The following KLF8 variants were observed in gnomAD, a reference collection of about 807,000 sequenced individuals.
KLF8 encodes KLF transcription factor 8.
KLF8 carries 10 observed loss-of-function variants against 18.2 expected under a neutral mutation model. The observed-to-expected ratio is 0.55, with a 90% confidence interval of 0.34 to 0.93. KLF8 has a LOEUF of 0.93. KLF8 is among the 40% of genes least tolerant of loss of function. The pLI is 0.02. For synonymous variants in KLF8, 109 were observed against 97.3 expected (o/e 1.12, Z -0.71); for missense variants, 264 against 277.9 (o/e 0.95, Z 0.36).
chrX:56,095,245 G>A, the KLF8 span, among the ~76,000 whole-genome samples: 1 of 112,071 alleles, frequency 8.9e-6, no homozygotes, highest in African/African-American at 3.2e-5. Context: ...TCAATAAATG[G>A]TACTGGGAAA....
chrX:56,245,284 C>T (rs1294945652), intron 1 of KLF8, among the ~76,000 whole-genome samples: 1 of 111,655 alleles, frequency 9.0e-6, no homozygotes, highest in East Asian at 2.8e-4. Flanking sequence ...TATCTCTAGG[C>T]ATTTTTCCCT....
chrX:56,185,580 T>G, the KLF8 span, among the ~76,000 whole-genome samples: 1 of 111,057 alleles, frequency 9.0e-6, no homozygotes, highest in Non-Finnish European at 1.9e-5. Flanking sequence ...TGTCAGATTC[T>G]CCAAAGTTGA....
the KLF8 span, chrX:56,015,246 C>A: frequency 2.2e-4 from 25 of 111,886 alleles, no homozygotes; most frequent in African/African-American, 8.1e-4. Context: ...GACATATCTA[C>A]AGTACGTCAG....
the KLF8 span, among the ~76,000 whole-genome samples, chrX:56,120,039 G>A: frequency 2.3e-4 from 15 of 65,067 alleles, no homozygotes; most frequent in African/African-American, 4.9e-4. Context: ...AAGTATCTTT[G>A]GAAACTTTAC....
chrX:55,929,705 C>T, the KLF8 span, among the ~76,000 whole-genome samples: 3 of 111,168 alleles, frequency 2.7e-5, no homozygotes, highest in South Asian at 7.6e-4. Context: ...TCTGAGGCCT[C>T]TGTTCTGTTC....
At chrX:56,002,492 A>T in the KLF8 span, among the ~76,000 whole-genome samples, 1 of 110,050 alleles carries the variant, frequency 9.1e-6, no homozygotes, top group Non-Finnish European at 1.9e-5. Flanking sequence ...TGTGAGCTTC[A>T]TGAGAGCAGG....
the KLF8 span, among the ~76,000 whole-genome samples, chrX:56,010,404 G>A: frequency 8.9e-6 from 1 of 111,995 alleles, no homozygotes; most frequent in South Asian, 3.7e-4. Flanking sequence ...TTTCAGACAA[G>A]CAAATGCTGA....
chrX:55,930,003 C>T, the KLF8 span, among the ~76,000 whole-genome samples: 2 of 110,525 alleles, frequency 1.8e-5, no homozygotes, highest in African/African-American at 6.6e-5. Context: ...ATTGATTCTT[C>T]CTACCCATGA....
the KLF8 span, among the ~76,000 whole-genome samples, chrX:56,016,562 G>A: frequency 0.011 from 1,251 of 111,642 alleles, 12 homozygotes; most frequent in African/African-American, 0.039. Flanking sequence ...ACTCTTAGAA[G>A]TACTTCACGT....
At chrX:55,947,105 A>G in the KLF8 span, among the ~76,000 whole-genome samples, 4 of 111,342 alleles carry the variant, frequency 3.6e-5, no homozygotes, top group Non-Finnish European at 7.5e-5. Flanking sequence ...TAGAACTAGA[A>G]ATACCATTTG....
the KLF8 span, among the ~76,000 whole-genome samples, chrX:56,049,640 T>A: frequency 9.8e-6 from 1 of 102,492 alleles, no homozygotes; most frequent in Admixed American, 1.1e-4. Flanking sequence ...GTGGATAAGC[T>A]TTTTGATGTG....
chrX:56,118,845 G>A, the KLF8 span, among the ~76,000 whole-genome samples: 1 of 111,540 alleles, frequency 9.0e-6, no homozygotes, highest in African/African-American at 3.3e-5. Flanking sequence ...TTCTAATTTA[G>A]ATTGTTTTTG....
At chrX:56,001,022 C>T in the KLF8 span, among the ~76,000 whole-genome samples, 1 of 111,583 alleles carries the variant, frequency 9.0e-6, no homozygotes, top group East Asian at 2.8e-4. Flanking sequence ...AACAAAGCAC[C>T]ACAGCCATAT....
chrX:55,991,577 C>T, the KLF8 span, among the ~76,000 whole-genome samples: 1 of 111,536 alleles, frequency 9.0e-6, no homozygotes, highest in South Asian at 3.8e-4. Context: ...GCAGAAATCA[C>T]CCGTCTTCTG....
At chrX:56,000,491 G>GGGTTT in the KLF8 span, among the ~76,000 whole-genome samples, 1 of 36,459 alleles carries the variant, frequency 2.7e-5, no homozygotes, top group Non-Finnish European at 6.0e-5. Flanking sequence ...GGGGGGGAGG[G>GGGTTT]ATTTTTTTTT....
the KLF8 span, among the ~76,000 whole-genome samples, chrX:56,055,461 G>A: frequency 9.0e-6 from 1 of 111,593 alleles, no homozygotes; most frequent in Admixed American, 9.5e-5. Context: ...TCCCTTTCTA[G>A]GTGACCTGAC....
At chrX:56,041,837 A>G in the KLF8 span, among the ~76,000 whole-genome samples, 2 of 111,508 alleles carry the variant, frequency 1.8e-5, no homozygotes, top group South Asian at 7.5e-4. Context: ...CTACAGGCAC[A>G]TGCCACAACA....
the KLF8 span, among the ~76,000 whole-genome samples, chrX:56,188,171 C>G: frequency 1.8e-5 from 2 of 111,493 alleles, no homozygotes; most frequent in African/African-American, 6.5e-5. Flanking sequence ...GCAACTTCAG[C>G]AAAGTCTCAG....
the KLF8 span, among the ~76,000 whole-genome samples, chrX:56,133,101 T>C: frequency 9.0e-6 from 1 of 111,730 alleles, no homozygotes; most frequent in African/African-American, 3.3e-5. Context: ...GAAGAATTGG[T>C]ACTGATCCTT....
Sources: allele counts gnomAD v4.1 joint callset (sites outside exome capture counted in the v4.1 genomes callset), GRCh38; gene constraint gnomAD v4.1.1; transcripts MANE v1.5; gene names NCBI Gene and HGNC (gene_info 2026-07-23, HGNC 2026-07-21).